IL7R: variants seen among roughly 807,000 people sequenced by gnomAD.
IL7R encodes the protein interleukin 7 receptor, also known as interleukin-7 receptor subunit alpha.
In IL7R, 38 loss-of-function variants were observed where a neutral mutation model predicts 47.0. The ratio of observed to expected loss-of-function variants is 0.81; its 90% CI spans 0.62 to 1.06. IL7R has a LOEUF of 1.06. Among genes scored for constraint, IL7R ranks in the 50% least tolerant of loss-of-function variants. The probability of loss-of-function intolerance (pLI) is 0.00; values close to 1 mark genes in which losing one functional copy is unlikely to be tolerated. For synonymous variants in IL7R, 221 were observed against 199.8 expected (o/e 1.11, Z -0.89); for missense variants, 633 against 534.8 (o/e 1.18, Z -1.81).
At chr5:35,866,578 T>C (rs1222493767) in intron 2 of IL7R, among the ~76,000 whole-genome samples, 1 of 152,128 alleles carries the variant, frequency 6.6e-6, no homozygotes, top group Non-Finnish European at 1.5e-5. Context: ...TTAATTTCTT[T>C]GAGAGAAATA....
intron 4 of IL7R, 145 bp from the exon 5 acceptor site, chr5:35,873,335 G>A (rs1000812835): frequency 2.3e-5 from 17 of 737,152 alleles, no homozygotes; most frequent in African/African-American, 1.2e-4. Context: ...ACTCCTTTAC[G>A]TATCAGAGCT....
chr5:35,860,981 T>A lies in IL7R; in HGVS notation c.212T>A (p.Phe71Tyr), dbSNP rs147423300. The A allele has an allele frequency of 6.2e-7, 1 of 1,613,488 alleles. No homozygotes were observed. Among genetic ancestry groups the A allele is most frequent in the East Asian group, 2.2e-5 (1 of 44,876 alleles). Residue 71 changes from phenylalanine (F) to tyrosine (Y), a missense_variant, in exon 2 of 8, where the codon TTT (phenylalanine) becomes TAT (tyrosine). Transcript: ENST00000303115. ...GATGTCAACATCACCAATCTGGAAT[T>A]TGAAATATGGTGAGGGATGGTGGTT... ...DPDVNITNLE[F>Y]EICGALVEVK...
chr5:35,871,247 C>T (rs1301195777), intron 4 of IL7R, 34 bp downstream of exon 4: 7 of 1,555,270 alleles, frequency 4.5e-6, no homozygotes, highest in African/African-American at 1.4e-5. Flanking sequence ...AAAATAAAAA[C>T]TTATGAATGT....
At chr5:35,875,073 G>C (rs996633062) in intron 6 of IL7R, among the ~76,000 whole-genome samples, 1 of 152,182 alleles carries the variant, frequency 6.6e-6, no homozygotes, top group Non-Finnish European at 1.5e-5. Context: ...ATTTCCCTGG[G>C]TAATTTGAAA....
chr5:35,867,213 A>G, intron 2 of IL7R, 93 bp from the exon 3 acceptor site: 1 of 1,161,352 alleles, frequency 8.6e-7, no homozygotes, highest in Non-Finnish European at 1.3e-6. Flanking sequence ...ACAGAGTTAA[A>G]GTCAAACATA....
intron 7 of IL7R, 83 bp from the exon 8 acceptor site, chr5:35,875,900 C>A: frequency 6.9e-7 from 1 of 1,454,424 alleles, no homozygotes; most frequent in Non-Finnish European, 9.5e-7. Flanking sequence ...TCAGAAAACT[C>A]TATAGACCTA....
chr5:35,869,716 G>A (rs10941267), intron 3 of IL7R, among the ~76,000 whole-genome samples: 105,326 of 152,044 alleles, frequency 0.69, 37,128 homozygotes, highest in African/African-American at 0.8. Flanking sequence ...TGTTGAGAAT[G>A]GAATGGAGAG....
At chr5:35,868,104 G>T (rs1053270591) in intron 3 of IL7R, among the ~76,000 whole-genome samples, 1 of 152,062 alleles carries the variant, frequency 6.6e-6, no homozygotes, top group Admixed American at 6.6e-5. Flanking sequence ...AACTCAAGCA[G>T]ATTTTCTGTA....
chr5:35,875,679 C>T (rs1373851752), intron 7 of IL7R, 92 bp downstream of exon 7: 2 of 1,018,662 alleles, frequency 2.0e-6, no homozygotes, highest in Non-Finnish European at 3.1e-6. Context: ...TGAACCTCAC[C>T]TTTTGGTATT....
chr5:35,867,458 CTA>C lies in IL7R; in HGVS notation c.377_378del (p.Ile126SerfsTer2). 1 of 1,611,786 alleles carries C rather than the reference CTA, an allele frequency of 6.2e-7. No homozygotes were observed. The highest frequency in any genetic ancestry group is 8.5e-7 in the Non-Finnish European group (1 of 1,178,762). On this transcript the variant is annotated frameshift_variant, in exon 3 of 8. Transcript: ENST00000303115. LOFTEE classifies it high-confidence loss of function. ...ACCTGCAAAAAAATAGACCTAACCA[CTA>C]TAGGTAAGAAGTTGTATATAAAAGT...
chr5:35,873,354 T>C (rs889649477), intron 4 of IL7R, 126 bp from the exon 5 acceptor site: 2 of 831,784 alleles, frequency 2.4e-6, no homozygotes, highest in Non-Finnish European at 4.1e-6. Flanking sequence ...CTCCTTATTC[T>C]AACAAATACG....
chr5:35,860,783 G>A (rs2149895526), intron 1 of IL7R, 69 bp from the exon 2 acceptor site: 1 of 1,448,920 alleles, frequency 6.9e-7, no homozygotes, highest in African/African-American at 1.4e-5. Flanking sequence ...ATTTTATTAA[G>A]GTCATGCCAT....
At chr5:35,871,675 G>T (rs1760078114) in intron 4 of IL7R, among the ~76,000 whole-genome samples, 1 of 152,136 alleles carries the variant, frequency 6.6e-6, no homozygotes, top group African/African-American at 2.4e-5. Flanking sequence ...TTATTTTAAA[G>T]CCCAAGGTCT....
In IL7R at chr5:35,867,479, T is replaced by A. The variant is rs756545602; in HGVS notation, c.379+16T>A. On this transcript the variant is annotated intron_variant, in intron 3 of 7. Coordinates refer to ENST00000303115, the MANE Select transcript of IL7R (RefSeq NM_002185.5). ...ACCACTATAGGTAAGAAGTTGTATATAAAAGTATGGTTGTCACTTTTGGGC... is the reference window on the plus strand; with the variant it reads ...ACCACTATAGGTAAGAAGTTGTATAAAAAAGTATGGTTGTCACTTTTGGGC... The A allele has an allele frequency of 2.5e-6, 4 of 1,608,028 alleles. 1 individual carries two copies. The East Asian group carries it at 8.9e-5, about 36-fold the overall frequency.
intron 6 of IL7R, 129 bp from the exon 7 acceptor site, chr5:35,875,383 C>G: frequency 1.3e-6 from 1 of 743,600 alleles, no homozygotes; most frequent in Non-Finnish European, 2.4e-6. Flanking sequence ...CCATGGTCAC[C>G]CACCTAATTG....
At chr5:35,874,223 C>G (rs1013809679) in intron 5 of IL7R, among the ~76,000 whole-genome samples, 5 of 152,178 alleles carry the variant, frequency 3.3e-5, no homozygotes, top group African/African-American at 1.2e-4. Flanking sequence ...GATGCTAGAT[C>G]ACGTTTACAT....
chr5:35,876,365 C>T lies in IL7R; in HGVS notation c.1259C>T (p.Ser420Phe), dbSNP rs748731611. ...TTNSTLPPPF[S>F]LQSGILTLNP... ...AACAGCACGCTGCCCCCTCCATTTT[C>T]TCTCCAATCTGGAATCCTGACATTG... The change falls in exon 8 of 8, where the codon TCT (serine) becomes TTT (phenylalanine). Residue 420 changes from serine (S) to phenylalanine (F), a missense_variant. Coordinates refer to ENST00000303115, the MANE Select transcript of IL7R (RefSeq NM_002185.5). The T allele has an allele frequency of 6.2e-7, 1 of 1,613,300 alleles. No homozygotes were observed. The highest frequency in any genetic ancestry group is 1.7e-5 in the Admixed American group (1 of 59,964).
At chr5:35,868,500 A>G (rs1039196147) in intron 3 of IL7R, among the ~76,000 whole-genome samples, 3 of 152,190 alleles carry the variant, frequency 2.0e-5, no homozygotes, top group Non-Finnish European at 4.4e-5. Flanking sequence ...ATGGCTGTGC[A>G]TGTTGGCCAC....
intron 2 of IL7R, among the ~76,000 whole-genome samples, chr5:35,862,863 T>C (rs1261119737): frequency 6.6e-6 from 1 of 152,126 alleles, no homozygotes; most frequent in Admixed American, 6.6e-5. Flanking sequence ...TTTCTCCACA[T>C]CCCATGTTTA....
Sources: gnomAD v4.1 joint callset for allele counts (sites outside exome capture counted in the v4.1 genomes callset) on GRCh38, gnomAD v4.1.1 for gene constraint, MANE v1.5 for transcripts, NCBI Gene and HGNC (gene_info 2026-07-23, HGNC 2026-07-21) for gene names.